Variants in RBKS observed in about 807,000 individuals in gnomAD.
The protein encoded by RBKS is ribokinase.
A neutral mutation model predicts 33.9 loss-of-function variants in RBKS; 33 were observed. The ratio of observed to expected loss-of-function variants is 0.97; its 90% CI spans 0.74 to 1.30. The LOEUF (loss-of-function observed/expected upper bound fraction) is 1.30. Among genes scored for constraint, RBKS ranks in the 50% most tolerant of loss-of-function variants. The probability of loss-of-function intolerance (pLI) is 0.00; values close to 1 mark genes in which losing one functional copy is unlikely to be tolerated. For synonymous variants in RBKS, 125 were observed against 143.0 expected, an observed-to-expected ratio of 0.87 and a Z score of 0.90; for missense variants, 361 against 392.6, an observed-to-expected ratio of 0.92 and a Z score of 0.68.
At chr2:27,873,639 A>C (rs995920604) in intron 1 of RBKS, among the ~76,000 whole-genome samples, 1 of 152,216 alleles carries the variant, frequency 6.6e-6, no homozygotes, top group African/African-American at 2.4e-5. Context: ...TATTGTTGCT[A>C]TAACAGTGTA....
intron 7 of RBKS, among the ~76,000 whole-genome samples, chr2:27,792,550 G>T (rs1201350649): frequency 6.6e-6 from 1 of 152,132 alleles, no homozygotes; most frequent in African/African-American, 2.4e-5. Context: ...ATCATCCCTT[G>T]GTGCTCAATC....
At chr2:27,785,771 A>G (rs1573029580) in intron 7 of RBKS, among the ~76,000 whole-genome samples, 1 of 152,162 alleles carries the variant, frequency 6.6e-6, no homozygotes, top group Admixed American at 6.5e-5. Flanking sequence ...CAAAAAAAAA[A>G]AAAAGAAAGA....
At chr2:27,805,899 C>CT (rs957377399) in intron 7 of RBKS, among the ~76,000 whole-genome samples, 39 of 138,348 alleles carry the variant, frequency 2.8e-4, no homozygotes, top group Middle Eastern at 5.0e-3. Flanking sequence ...TTTTTCTTTT[C>CT]TTTTTTTTTT....
At chr2:27,826,572 C>T (rs975051794) in intron 7 of RBKS, among the ~76,000 whole-genome samples, 4 of 152,086 alleles carry the variant, frequency 2.6e-5, no homozygotes, top group African/African-American at 9.7e-5. Context: ...CCATGCCCAG[C>T]TAAGTTTTGT....
At chr2:27,794,824 A>G (rs898111788) in intron 7 of RBKS, among the ~76,000 whole-genome samples, 1 of 152,080 alleles carries the variant, frequency 6.6e-6, no homozygotes, top group Non-Finnish European at 1.5e-5. Context: ...GGGTTTCAAC[A>G]TGTTGGCCAG....
intron 2 of RBKS, among the ~76,000 whole-genome samples, chr2:27,851,881 A>T (rs558779050): frequency 6.6e-6 from 1 of 152,262 alleles, no homozygotes; most frequent in East Asian, 1.9e-4. Flanking sequence ...AAGCACCCAA[A>T]CTATTCTAGA....
chr2:27,797,493 T>C (rs775990471), intron 7 of RBKS, among the ~76,000 whole-genome samples: 1 of 152,232 alleles, frequency 6.6e-6, no homozygotes, highest in Non-Finnish European at 1.5e-5. Context: ...AGGTCATCTG[T>C]GCAGGAATTC....
At chr2:27,792,235 T>C (rs1677543993) in intron 7 of RBKS, among the ~76,000 whole-genome samples, 1 of 152,246 alleles carries the variant, frequency 6.6e-6, no homozygotes, top group Non-Finnish European at 1.5e-5. Context: ...TTCTTTCTTC[T>C]GGCAGCGTGG....
At chr2:27,785,694 G>A (rs1677384209) in intron 7 of RBKS, among the ~76,000 whole-genome samples, 1 of 150,578 alleles carries the variant, frequency 6.6e-6, no homozygotes, top group African/African-American at 2.5e-5. Context: ...CCTGGGAGAT[G>A]GAGGTTGCAG....
intron 7 of RBKS, among the ~76,000 whole-genome samples, chr2:27,815,422 T>C (rs1678068848): frequency 6.6e-6 from 1 of 152,116 alleles, no homozygotes; most frequent in African/African-American, 2.4e-5. Context: ...GCTGGTCTTG[T>C]ACTCCTGAGC....
rs70953894 is a variant in RBKS at position 27,849,559 on chromosome 2, CAAAAAAAA to C, written c.223-1470_223-1463del. ...TGGGCGACAGAGCAAGACTCTGTCT[CAAAAAAAA>C]AAAAAAAAAAAAAAAAAAAGAAAAA... On this transcript the variant is annotated intron_variant, in intron 2 of 7. Coordinates refer to ENST00000302188, the MANE Select transcript of RBKS (RefSeq NM_022128.3). 9.3e-3 allele frequency among the ~76,000 whole-genome samples: 266 copies of C among 28,574 alleles called. 2 individuals are homozygous for C. The highest frequency in any genetic ancestry group is 0.045 in the Middle Eastern group (2 of 44). 18.7% of individuals were successfully genotyped at this position (28,574 alleles called of 152,430 possible). A position where few individuals can be genotyped will look rare whatever the true frequency, so the allele number is the denominator to read the frequency against.
intron 1 of RBKS, among the ~76,000 whole-genome samples, chr2:27,884,357 C>A (rs1243542391): frequency 6.6e-6 from 1 of 152,026 alleles, no homozygotes; most frequent in East Asian, 1.9e-4. Context: ...CAGCGATCCT[C>A]CCACCTCAGC....
chr2:27,836,604 AAG>A (rs1678524492), intron 5 of RBKS, among the ~76,000 whole-genome samples: 1 of 152,226 alleles, frequency 6.6e-6, no homozygotes, highest in African/African-American at 2.4e-5. Flanking sequence ...ATTTTTGGCT[AAG>A]TCCCCCAAAG....
intron 1 of RBKS, among the ~76,000 whole-genome samples, chr2:27,879,703 A>T (rs1397423909): frequency 6.6e-6 from 1 of 152,208 alleles, no homozygotes; most frequent in Non-Finnish European, 1.5e-5. Context: ...AGAGAATATT[A>T]TAAACACCTC....
intron 5 of RBKS, among the ~76,000 whole-genome samples, chr2:27,842,659 C>CT (rs200985638): frequency 5.9e-3 from 844 of 142,896 alleles, no homozygotes; most frequent in Middle Eastern, 0.018. Flanking sequence ...TTCAGGAATT[C>CT]TTTTTTTTTT....
chr2:27,796,646 A>G (rs1162424690), intron 7 of RBKS, among the ~76,000 whole-genome samples: 1 of 150,558 alleles, frequency 6.6e-6, no homozygotes, highest in East Asian at 2.0e-4. Flanking sequence ...GAGCCTTCTA[A>G]TGGGGGTGGG....
intron 3 of RBKS, 102 bp downstream of exon 3, chr2:27,847,932 C>T: frequency 1.5e-6 from 1 of 687,578 alleles, no homozygotes; most frequent in Non-Finnish European, 2.6e-6. Context: ...CTCTGGCCAC[C>T]AGGGGAAGGT....
intron 1 of RBKS, among the ~76,000 whole-genome samples, chr2:27,882,187 T>C (rs1664430563): frequency 6.6e-6 from 1 of 152,060 alleles, no homozygotes; most frequent in African/African-American, 2.4e-5. Context: ...AAAGGTCTAA[T>C]ATTCAGCACC....
At chr2:27,785,500 C>T (rs531968326) in intron 7 of RBKS, among the ~76,000 whole-genome samples, 1 of 152,046 alleles carries the variant, frequency 6.6e-6, no homozygotes, top group East Asian at 1.9e-4. Flanking sequence ...TGCGATGGCT[C>T]ATGCTTGTAA....
Sources: gnomAD v4.1 joint callset for allele counts (sites outside exome capture counted in the v4.1 genomes callset) on GRCh38, gnomAD v4.1.1 for gene constraint, MANE v1.5 for transcripts, NCBI Gene and HGNC (gene_info 2026-07-23, HGNC 2026-07-21) for gene names.